SIK2: variants seen among roughly 807,000 people sequenced by gnomAD.
SIK2 encodes serine/threonine-protein kinase SIK2.
In SIK2, 29 loss-of-function variants were observed where a neutral mutation model predicts 103.2. The ratio of observed to expected loss-of-function variants is 0.28; its 90% CI spans 0.21 to 0.38. The LOEUF (loss-of-function observed/expected upper bound fraction) is 0.38. Ranked by LOEUF, SIK2 falls within the 10% of genes least tolerant of loss-of-function variation. SIK2 has a pLI of 1.00. For synonymous variants in SIK2, 412 were observed against 446.1 expected (o/e 0.92, Z 0.96); for missense variants, 879 against 1,171.0 (o/e 0.75, Z 3.64).
At chr11:111,633,157 A>G (rs1377240048) in intron 3 of SIK2, among the ~76,000 whole-genome samples, 3 of 152,318 alleles carry the variant, frequency 2.0e-5, no homozygotes, top group East Asian at 3.9e-4. Flanking sequence ...CTCTCTGCCT[A>G]TTGAAATACT....
rs1248815463 is a variant in SIK2 at position 111,723,186 on chromosome 11, GTGTGAT to G, written c.2148-308_2148-303del. The stretch of plus-strand genomic sequence containing the variant: ...ACTGCAGACACCTGCAGAGGCCAAG[GTGTGAT>G]TATCTCCCCTTCTAGCCTCTCCAGA... On this transcript the variant is annotated intron_variant, in intron 14 of 14. Transcript: ENST00000304987. Among the ~76,000 whole-genome samples the G allele has an allele frequency of 3.3e-5, 5 of 152,150 alleles. No homozygotes were observed. In the East Asian group the frequency reaches 9.6e-4, roughly 29 times the overall value.
chr11:111,649,201 C>T (rs536658192), intron 3 of SIK2, among the ~76,000 whole-genome samples: 1 of 152,158 alleles, frequency 6.6e-6, no homozygotes, highest in Non-Finnish European at 1.5e-5. Flanking sequence ...TCTGTGAGTA[C>T]AGCGTTGTGT....
At chr11:111,619,214 G>C (rs1050363610) in intron 2 of SIK2, among the ~76,000 whole-genome samples, 1 of 152,258 alleles carries the variant, frequency 6.6e-6, no homozygotes, top group Non-Finnish European at 1.5e-5. Context: ...GGCCCAAACT[G>C]TAGGTAGCTT....
In SIK2 at chr11:111,703,602, C is replaced by G. The variant is rs532939757; in HGVS notation, c.948+179C>G. Among the ~76,000 whole-genome samples the G allele has an allele frequency of 1.2e-4, 19 of 152,324 alleles. 1 individual carries two copies. Among genetic ancestry groups the G allele is most frequent in the African/African-American group, 4.6e-4 (19 of 41,568 alleles). On this transcript the variant is annotated intron_variant, in intron 7 of 14. Transcript: ENST00000304987. ...TTGCTTTTATTCAGCATCTTAAATT[C>G]CTTTCTTTGCCCCCATCTGCCAAAA...
Position 111,722,712 on chromosome 11 carries a change from C to A in SIK2, c.2103C>A (p.Cys701Ter). ...SKAQNTCQLY[C>*]KEPPRSLEQQ... ...CCCAGAACACCTGTCAGCTTTATTG[C>A]AAAGAACCACCGCGGAGCCTTGAGC... is the stretch of plus-strand genomic sequence containing the variant. The change falls in exon 14 of 15, where the codon TGC (cysteine) becomes TGA (stop). Residue 701 changes from cysteine (C) to a stop codon, truncating the protein, a stop_gained. Transcript: ENST00000304987. LOFTEE classifies it high-confidence loss of function. This position sits in a 1 kb window ranked among gnomAD's most constrained non-coding sequence, Gnocchi z 4.4. 6.2e-7 allele frequency: 1 copy of A among 1,614,154 alleles called. No homozygotes were observed. The highest frequency in any genetic ancestry group is 8.5e-7 in the Non-Finnish European group (1 of 1,180,002).
intron 9 of SIK2, among the ~76,000 whole-genome samples, chr11:111,719,450 AT>A (rs1211538034): frequency 6.6e-6 from 1 of 151,164 alleles, no homozygotes; most frequent in Non-Finnish European, 1.5e-5. Context: ...TTAAAAAAAA[AT>A]AATAACTGGT....
chr11:111,631,744 G>A (rs184674940), intron 3 of SIK2, among the ~76,000 whole-genome samples: 10 of 152,056 alleles, frequency 6.6e-5, no homozygotes, highest in Non-Finnish European at 1.2e-4. Context: ...TGCCTTAACC[G>A]TGCCCTGCTA....
intron 3 of SIK2, among the ~76,000 whole-genome samples, chr11:111,644,396 A>G (rs1942227890): frequency 1.3e-5 from 2 of 152,120 alleles, no homozygotes; most frequent in Admixed American, 6.5e-5. Flanking sequence ...ACATTTAAAA[A>G]AAAAGGTTTT....
intron 3 of SIK2, among the ~76,000 whole-genome samples, chr11:111,683,695 G>A (rs1383354200): frequency 2.0e-5 from 3 of 151,962 alleles, no homozygotes; most frequent in African/African-American, 7.2e-5. Flanking sequence ...CAGGTGATCC[G>A]CCCGCCTCAG....
Position 111,726,517 on chromosome 11 carries a change from G to A in SIK2, c.*2388G>A, listed in dbSNP as rs1943972101. On this transcript the variant is annotated 3_prime_UTR_variant, in exon 15 of 15. Coordinates refer to ENST00000304987, the MANE Select transcript of SIK2 (RefSeq NM_015191.3). ...GGACCTGTGTTGTAAGCTCCTATTT[G>A]CTTATCTTGTTTATTTCAAGCAGAA... The A allele has an allele frequency of 6.2e-6, 1 of 161,028 alleles. No individual in the cohort carries two copies. The highest frequency in any genetic ancestry group is 5.9e-5 in the Admixed American group (1 of 16,828). The allele number at this position is 161,028 out of a possible 1,614,324, so 10.0% of individuals were successfully genotyped here.
chr11:111,704,918 T>TC, intron 7 of SIK2, 69 bp from the exon 8 acceptor site: 1 of 1,477,504 alleles, frequency 6.8e-7, no homozygotes. Context: ...CTCTTTTTTT[T>TC]TAGGCATGTG....
intron 3 of SIK2, among the ~76,000 whole-genome samples, chr11:111,687,642 C>CTG (rs35614959): frequency 0.96 from 145,488 of 150,782 alleles, 70,424 homozygotes; most frequent in East Asian, 1. Context: ...GAGTCTCACT[C>CTG]TCGTCCAGGC....
intron 1 of SIK2, among the ~76,000 whole-genome samples, chr11:111,604,412 T>G (rs1037528588): frequency 6.6e-6 from 1 of 152,240 alleles, no homozygotes; most frequent in Admixed American, 6.5e-5. Flanking sequence ...CTTAATATTT[T>G]TTTCTCATCA....
At chr11:111,620,227 G>A (rs1941865022) in intron 2 of SIK2, 112 bp from the exon 3 acceptor site, 1 of 744,528 alleles carries the variant, frequency 1.3e-6, no homozygotes, top group African/African-American at 1.8e-5. Context: ...CTTCGGAATT[G>A]TTCATAACTG....
rs367600094 is a variant in SIK2, at chr11:111,719,778, A to C, written c.1270A>C (p.Asn424His). Residue 424 changes from asparagine (N) to histidine (H), a missense_variant, in exon 10 of 15, where the codon AAT becomes CAT. Physicochemically the swap from Asn to His is moderately conservative, Grantham distance 68. Transcript: ENST00000304987. ...EEECVDTPKV[N>H]GCLLDPVPPV... ...TCCTCTCTCCCCTGGCGTTTAGGTCAATGGCTGTCTGCTTGACCCTGTGCC... is the reference window on the plus strand; with the variant it reads ...TCCTCTCTCCCCTGGCGTTTAGGTCCATGGCTGTCTGCTTGACCCTGTGCC... 1 of 1,612,886 alleles carries C rather than the reference A, an allele frequency of 6.2e-7. No individual in the cohort carries two copies. Among genetic ancestry groups the C allele is most frequent in the Non-Finnish European group, 8.5e-7 (1 of 1,179,676 alleles).
chr11:111,631,822 C>T (rs1271379061), intron 3 of SIK2, among the ~76,000 whole-genome samples: 3 of 143,054 alleles, frequency 2.1e-5, no homozygotes, highest in African/African-American at 7.3e-5. Flanking sequence ...CTTCCTGTGC[C>T]ATCTGGTTTT....
In SIK2 at chr11:111,727,088, G is replaced by T. The variant is rs1943995080; in HGVS notation, c.*2959G>T. On this transcript the variant is annotated 3_prime_UTR_variant, in exon 15 of 15. Coordinates refer to ENST00000304987, the MANE Select transcript of SIK2 (RefSeq NM_015191.3). ...AGGCAAACAGCATGTTAGCCCGACA[G>T]GAAGAGGGGGCCCACTTTCACATTC... The T allele has an allele frequency of 6.3e-7, 1 of 1,590,300 alleles. No individual in the cohort carries two copies. The highest frequency in any genetic ancestry group is 8.6e-7 in the Non-Finnish European group (1 of 1,159,270).
intron 2 of SIK2, among the ~76,000 whole-genome samples, chr11:111,619,721 G>A (rs558489357): frequency 3.3e-5 from 5 of 152,236 alleles, no homozygotes; most frequent in African/African-American, 4.8e-5. Flanking sequence ...ACTTCATTCC[G>A]AATCTAGAAA....
At chr11:111,676,306 T>C (rs1942702834) in intron 3 of SIK2, among the ~76,000 whole-genome samples, 1 of 152,228 alleles carries the variant, frequency 6.6e-6, no homozygotes, top group South Asian at 2.1e-4. Flanking sequence ...TGAACAGCAA[T>C]TCTGTTTTAT....
Sources: allele counts gnomAD v4.1 joint callset (sites outside exome capture counted in the v4.1 genomes callset), GRCh38; gene constraint gnomAD v4.1.1; non-coding constraint Gnocchi (gnomAD v3.1); transcripts MANE v1.5; gene names NCBI Gene and HGNC (gene_info 2026-07-23, HGNC 2026-07-21).